The following DNAAF11 variants were observed in gnomAD, a reference collection of about 807,000 sequenced individuals.
DNAAF11 encodes leucine rich repeat containing 6.
DNAAF11 carries 45 observed loss-of-function variants against 60.8 expected under a neutral mutation model. That is an observed-to-expected ratio of 0.74 (90% CI 0.58 to 0.95). DNAAF11 has a LOEUF of 0.95. Among genes scored for constraint, DNAAF11 ranks in the 40% least tolerant of loss-of-function variants. The pLI, the probability that DNAAF11 is intolerant of heterozygous loss-of-function variation, is 0.00. For missense variants in DNAAF11, 546 were observed against 546.2 expected (o/e 1.00, Z 0.00); for synonymous variants, 191 against 183.5 (o/e 1.04, Z -0.33).
upstream of DNAAF11, among the ~76,000 whole-genome samples, chr8:132,680,145 G>A (rs968263018): frequency 6.6e-6 from 1 of 152,190 alleles, no homozygotes; most frequent in Non-Finnish European, 1.5e-5. Context: ...CTGACAGGGA[G>A]GACAACTGGG....
intron 7 of DNAAF11, among the ~76,000 whole-genome samples, chr8:132,618,867 A>T (rs1441562138): frequency 2.6e-5 from 4 of 152,064 alleles, no homozygotes; most frequent in African/African-American, 4.8e-5. Context: ...AAACTAGTTC[A>T]ACCACTGTGG....
rs145574833 is a variant in DNAAF11 at position 132,580,860 on chromosome 8, G to A, written c.1226+2834C>T. ...TTGCTTGGTTGATTCTGAAATATAT[G>A]TGTAAGTGCAAAGGGATAAAATTAG... On this transcript the variant is annotated intron_variant, in intron 11 of 11. Coordinates refer to ENST00000620350, the MANE Select transcript of DNAAF11 (RefSeq NM_012472.6). 4.9e-3 allele frequency among the ~76,000 whole-genome samples: 742 copies of A among 152,300 alleles called. 12 individuals carry two copies. Among genetic ancestry groups the A allele is most frequent in the African/African-American group, 0.017 (714 of 41,548 alleles).
intron 3 of DNAAF11, among the ~76,000 whole-genome samples, chr8:132,650,557 G>C (rs1822903480): frequency 6.6e-6 from 1 of 152,114 alleles, no homozygotes; most frequent in Non-Finnish European, 1.5e-5. Context: ...TAATAAACTT[G>C]ACAATGCAGT....
intron 3 of DNAAF11, among the ~76,000 whole-genome samples, chr8:132,649,918 TG>T (rs1004039938): frequency 6.6e-6 from 1 of 152,232 alleles, no homozygotes; most frequent in African/African-American, 2.4e-5. Flanking sequence ...ACACTGTTAG[TG>T]GGACTGTAAA....
chr8:132,655,080 C>T (rs911525064), intron 3 of DNAAF11, among the ~76,000 whole-genome samples: 6 of 151,408 alleles, frequency 4.0e-5, no homozygotes, highest in Non-Finnish European at 1.5e-5. Flanking sequence ...TGAGACTTTA[C>T]TATTGACATT....
upstream of DNAAF11, among the ~76,000 whole-genome samples, chr8:132,678,207 TC>T (rs1825816500): frequency 6.6e-6 from 1 of 152,106 alleles, no homozygotes; most frequent in East Asian, 1.9e-4. Context: ...CAGTCCCCCA[TC>T]CCCTTAAGCT....
intron 4 of DNAAF11, among the ~76,000 whole-genome samples, chr8:132,636,516 C>T (rs1821311943): frequency 6.6e-6 from 1 of 152,154 alleles, no homozygotes; most frequent in Non-Finnish European, 1.5e-5. Context: ...AAACACTGTG[C>T]CCAAAGTACC....
chr8:132,620,973 C>T (rs1198251798), intron 7 of DNAAF11, among the ~76,000 whole-genome samples: 1 of 152,098 alleles, frequency 6.6e-6, no homozygotes, highest in African/African-American at 2.4e-5. Flanking sequence ...AAGTCATCAC[C>T]AAGACTGATA....
chr8:132,656,937 AT>A (rs398113036), intron 2 of DNAAF11, 30 bp from the exon 3 acceptor site: 1 of 692,376 alleles, frequency 1.4e-6, no homozygotes, highest in Non-Finnish European at 2.4e-6. Context: ...AGTTAAGATA[AT>A]TAATCTTCAA....
At chr8:132,588,230 G>A (rs1301690808) in intron 10 of DNAAF11, among the ~76,000 whole-genome samples, 1 of 152,174 alleles carries the variant, frequency 6.6e-6, no homozygotes, top group African/African-American at 2.4e-5. Context: ...ATGAAAACAT[G>A]CTACTTGTAA....
rs1820946566 is a variant in DNAAF11 at position 132,632,914 on chromosome 8, T to C, written c.479A>G (p.Gln160Arg). 4.3e-6 allele frequency: 7 copies of C among 1,613,812 alleles called. No homozygotes were observed. The South Asian group carries it at 5.5e-5, about 13-fold the overall frequency. Reference sequence around the variant, plus strand: ...TTGTGGTTCAATTACTGAATAGTCCTGCAATGCCTTAATCCTTTCTGAAGG... The same window carrying C: ...TTGTGGTTCAATTACTGAATAGTCCCGCAATGCCTTAATCCTTTCTGAAGG... ...IEPSERIKALQDYSVIEPQIR... is the reference protein window; with the variant it reads ...IEPSERIKALRDYSVIEPQIR... Residue 160 changes from glutamine (Q) to arginine (R), a missense_variant, in exon 5 of 12, where the codon CAG becomes CGG. Physicochemically the swap from Gln to Arg is conservative, Grantham distance 43. Transcript: ENST00000620350.
At chr8:132,594,575 C>T (rs1816796799) in intron 10 of DNAAF11, among the ~76,000 whole-genome samples, 2 of 152,042 alleles carry the variant, frequency 1.3e-5, no homozygotes, top group Non-Finnish European at 2.9e-5. Flanking sequence ...CCTGTAATCC[C>T]CCTGTGTGGA....
rs1817253211 is a variant in DNAAF11, at chr8:132,598,517, G to A, written c.1140+11649C>T. Among the ~76,000 whole-genome samples the A allele has an allele frequency of 2.0e-5, 3 of 152,256 alleles. No homozygotes were observed. In the South Asian group the frequency reaches 6.2e-4, roughly 32 times the overall value. ...AATTGTAGATATATGAATGTAGGTGGTAAAGTCTTTCAGGGCAGGGGCCAA... is the reference window on the plus strand; with the variant it reads ...AATTGTAGATATATGAATGTAGGTGATAAAGTCTTTCAGGGCAGGGGCCAA... On this transcript the variant is annotated intron_variant, in intron 10 of 11. Transcript: ENST00000620350.
intron 3 of DNAAF11, among the ~76,000 whole-genome samples, chr8:132,649,756 C>T (rs912064568): frequency 9.9e-5 from 15 of 152,242 alleles, no homozygotes; most frequent in South Asian, 2.1e-4. Context: ...AGCCAACAGA[C>T]GCATGAAAAA....
chr8:132,694,192 T>C, the DNAAF11 span, among the ~76,000 whole-genome samples: 3 of 152,180 alleles, frequency 2.0e-5, no homozygotes, highest in South Asian at 2.1e-4. Context: ...GATGTGGATA[T>C]GGAAATTAAT....
intron 11 of DNAAF11, among the ~76,000 whole-genome samples, chr8:132,576,837 GC>G (rs937610409): frequency 6.6e-6 from 1 of 152,110 alleles, no homozygotes; most frequent in Non-Finnish European, 1.5e-5. Flanking sequence ...CCATCACTGA[GC>G]CCCCGCATCC....
chr8:132,640,896 G>A (rs1821789588), intron 3 of DNAAF11, among the ~76,000 whole-genome samples: 1 of 152,132 alleles, frequency 6.6e-6, no homozygotes, highest in Admixed American at 6.5e-5. Flanking sequence ...AGAAAGATAA[G>A]AACATTTTAA....
intron 4 of DNAAF11, among the ~76,000 whole-genome samples, chr8:132,637,604 C>CAA (rs879660153): frequency 7.0e-5 from 7 of 99,884 alleles, no homozygotes; most frequent in Admixed American, 1.1e-4. Context: ...GACTCCATCT[C>CAA]AAAAAAAAAA....
In DNAAF11 at chr8:132,571,985, C is replaced by A; in HGVS notation, c.*321G>T. The A allele has an allele frequency of 4.8e-6, 1 of 207,490 alleles. No individual in the cohort carries two copies. 12.9% of individuals were successfully genotyped at this position (207,490 alleles called of 1,614,324 possible). A position where few individuals can be genotyped will look rare whatever the true frequency, so the allele number is the denominator to read the frequency against. ...CTGAAGTACCAATTTAATACTCAGT[C>A]CTTTTATCTATGAATTAATACTTTG... is the stretch of plus-strand genomic sequence containing the variant. On this transcript the variant is annotated 3_prime_UTR_variant, in exon 12 of 12. Transcript: ENST00000620350.
Sources: gnomAD v4.1 joint callset for allele counts (sites outside exome capture counted in the v4.1 genomes callset) on GRCh38, gnomAD v4.1.1 for gene constraint, MANE v1.5 for transcripts, NCBI Gene and HGNC (gene_info 2026-07-23, HGNC 2026-07-21) for gene names.